CACNA1C: variants seen among roughly 807,000 people sequenced by gnomAD.
CACNA1C encodes the protein calcium voltage-gated channel subunit alpha1 C.
Under a neutral mutation model 229.0 loss-of-function variants are expected in CACNA1C, and 30 were observed. That is an observed-to-expected ratio of 0.13 (90% CI 0.10 to 0.18). The LOEUF is 0.18. Among genes scored for constraint, CACNA1C ranks in the 10% least tolerant of loss-of-function variants. The probability of loss-of-function intolerance (pLI) is 1.00; values close to 1 mark genes in which losing one functional copy is unlikely to be tolerated. For synonymous variants in CACNA1C, 1,114 were observed against 1,132.5 expected (o/e 0.98, Z 0.33); for missense variants, 1,658 against 2,845.0 (o/e 0.58, Z 9.49).
intron 43 of CACNA1C, among the ~76,000 whole-genome samples, chr12:2,684,755 T>G (rs1046468195): frequency 6.6e-6 from 1 of 152,180 alleles, no homozygotes; most frequent in African/African-American, 2.4e-5. Flanking sequence ...GTGATTTGCA[T>G]AAGAAGAAAA....
chr12:1,986,075 A>C (rs2037660810), intron 1 of CACNA1C, among the ~76,000 whole-genome samples: 1 of 152,228 alleles, frequency 6.6e-6, no homozygotes, highest in South Asian at 2.1e-4. Flanking sequence ...GGCCTCCCAA[A>C]GTGCTGGGAT....
intron 13 of CACNA1C, among the ~76,000 whole-genome samples, chr12:2,569,326 T>C (rs904326509): frequency 6.6e-6 from 1 of 151,722 alleles, no homozygotes; most frequent in Non-Finnish European, 1.5e-5. Flanking sequence ...ATAATTCATA[T>C]CCCATATATT....
chr12:2,079,478 C>T (rs180802734), intron 1 of CACNA1C, among the ~76,000 whole-genome samples: 17 of 152,220 alleles, frequency 1.1e-4, no homozygotes, highest in Non-Finnish European at 4.4e-5. Context: ...TCATTGTCTC[C>T]TCACTGGCAG....
intron 3 of CACNA1C, among the ~76,000 whole-genome samples, chr12:2,294,863 C>T (rs553327921): frequency 1.3e-5 from 2 of 152,180 alleles, no homozygotes; most frequent in East Asian, 1.9e-4. Flanking sequence ...GGGTGGTCTC[C>T]GTCTGTGTGC....
intron 2 of CACNA1C, among the ~76,000 whole-genome samples, chr12:2,116,736 G>GGA (rs2084084524): frequency 6.6e-6 from 1 of 152,106 alleles, no homozygotes; most frequent in Non-Finnish European, 1.5e-5. Flanking sequence ...GAGCCCCACA[G>GGA]GAGAGGCTCC....
intron 21 of CACNA1C, among the ~76,000 whole-genome samples, chr12:2,600,788 A>G (rs1322056149): frequency 6.6e-6 from 1 of 152,208 alleles, no homozygotes; most frequent in Non-Finnish European, 1.5e-5. Flanking sequence ...TCACCTTTTG[A>G]TGAGAAAACA....
At chr12:2,017,470 CAGTT>C (rs781449399) in intron 1 of CACNA1C, among the ~76,000 whole-genome samples, 6 of 152,138 alleles carry the variant, frequency 3.9e-5, no homozygotes, top group Non-Finnish European at 7.4e-5. Context: ...TAAAAGAACT[CAGTT>C]AGCTTTTACA....
chr12:2,190,274 G>C (rs1379803640), intron 3 of CACNA1C, among the ~76,000 whole-genome samples: 2 of 152,180 alleles, frequency 1.3e-5, no homozygotes, highest in African/African-American at 4.8e-5. Context: ...GTAGGATGGA[G>C]CACAGTGAAA....
intron 29 of CACNA1C, chr12:2,612,815 C>A (rs921718520): frequency 6.6e-6 from 1 of 152,186 alleles, no homozygotes; most frequent in Admixed American, 6.5e-5. Context: ...ATCCACTGGC[C>A]GGGATTCACC....
At position 2,693,079 on chromosome 12, in the gene CACNA1C, T is replaced by G. The variant is rs1380649496; in HGVS notation, c.*1880T>G. 6.6e-6 allele frequency: 1 copy of G among 152,412 alleles called. No individual in the cohort carries two copies. The highest frequency in any genetic ancestry group is 1.9e-4 in the East Asian group (1 of 5,196). 9.4% of individuals were successfully genotyped at this position (152,412 alleles called of 1,614,324 possible). A position where few individuals can be genotyped will look rare whatever the true frequency, so the allele number is the denominator to read the frequency against. On this transcript the variant is annotated 3_prime_UTR_variant, in exon 47 of 47. Transcript: ENST00000399655. ...CAAACAGGTTTGGACATTACTGTTTTGCATATCTTGTGTTTGCTTACATTT... is the reference window on the plus strand; with the variant it reads ...CAAACAGGTTTGGACATTACTGTTTGGCATATCTTGTGTTTGCTTACATTT...
At position 2,493,136 on chromosome 12, in the gene CACNA1C, C is replaced by T. The variant is rs779412485; in HGVS notation, c.917-54C>T. On this transcript the variant is annotated intron_variant, in intron 6 of 46. Transcript: ENST00000399655. This position sits in a 1 kb window ranked among gnomAD's most constrained non-coding sequence, Gnocchi z 4.6. Reference sequence around the variant, plus strand: ...TTTCTCTCTGACTTCTTTCTCTGCCCACATCTCTCCCTCCCTGCTGCTCCC... The same window carrying T: ...TTTCTCTCTGACTTCTTTCTCTGCCTACATCTCTCCCTCCCTGCTGCTCCC... 3.0e-5 allele frequency: 45 copies of T among 1,479,174 alleles called. No homozygotes were observed. Among genetic ancestry groups the T allele is most frequent in the Non-Finnish European group, 4.1e-5 (44 of 1,060,488 alleles). The allele number at this position is 1,479,174 out of a possible 1,614,324, so 91.6% of individuals were successfully genotyped here.
intron 3 of CACNA1C, among the ~76,000 whole-genome samples, chr12:2,156,394 CT>C (rs2095556383): frequency 6.6e-6 from 1 of 152,174 alleles, no homozygotes; most frequent in Non-Finnish European, 1.5e-5. Context: ...CAAAACCACA[CT>C]AACATGATGG....
chr12:2,064,183 A>C lies in CACNA1C; in HGVS notation c.49+10572A>C, dbSNP rs528659668. 5.3e-5 allele frequency among the ~76,000 whole-genome samples: 8 copies of C among 152,356 alleles called. No individual in the cohort carries two copies. In the South Asian group the frequency reaches 1.2e-3, roughly 24 times the overall value. On this transcript the variant is annotated intron_variant, in intron 1 of 46. Coordinates refer to ENST00000399655, the MANE Select transcript of CACNA1C (RefSeq NM_000719.7). ...ATGAAACAAAAACGAAACAAAAAAA[A>C]CCGGTGTCTCTATATCCAGTTCAGC... is the stretch of plus-strand genomic sequence containing the variant.
intron 3 of CACNA1C, among the ~76,000 whole-genome samples, chr12:2,124,272 A>C (rs1415111127): frequency 6.6e-6 from 1 of 152,200 alleles, no homozygotes; most frequent in African/African-American, 2.4e-5. Context: ...TCAGGGTGGA[A>C]GAACTGATTC....
intron 3 of CACNA1C, among the ~76,000 whole-genome samples, chr12:2,228,192 C>A (rs1306043113): frequency 6.6e-6 from 1 of 152,176 alleles, no homozygotes; most frequent in Non-Finnish European, 1.5e-5. Flanking sequence ...TTTCCCACAC[C>A]TTACACAGGG....
At chr12:2,056,566 A>G (rs1370076225) in intron 1 of CACNA1C, among the ~76,000 whole-genome samples, 1 of 152,194 alleles carries the variant, frequency 6.6e-6, no homozygotes, top group Non-Finnish European at 1.5e-5. Flanking sequence ...TCTTTTAACT[A>G]CTTAGCGATT....
intron 3 of CACNA1C, among the ~76,000 whole-genome samples, chr12:2,249,919 C>T (rs573357576): frequency 3.3e-4 from 50 of 152,278 alleles, no homozygotes; most frequent in Non-Finnish European, 5.1e-4. Context: ...CACCATTCTC[C>T]TGCCTCAGTC....
chr12:2,026,737 ATTC>A (rs2047395408), intron 1 of CACNA1C, among the ~76,000 whole-genome samples: 1 of 152,226 alleles, frequency 6.6e-6, no homozygotes. Context: ...CCATGTGAAT[ATTC>A]TTCTTAAAAA....
At chr12:2,041,442 A>G (rs1203986313) in intron 1 of CACNA1C, among the ~76,000 whole-genome samples, 1 of 151,508 alleles carries the variant, frequency 6.6e-6, no homozygotes, top group Non-Finnish European at 1.5e-5. Flanking sequence ...GCGTCCGGCT[A>G]ATTTTTTGTA....
Sources: allele counts gnomAD v4.1 joint callset (sites outside exome capture counted in the v4.1 genomes callset), GRCh38; gene constraint gnomAD v4.1.1; non-coding constraint Gnocchi (gnomAD v3.1); transcripts MANE v1.5; gene names NCBI Gene and HGNC (gene_info 2026-07-23, HGNC 2026-07-21).